The following ASAP2 variants were observed in gnomAD, a reference collection of about 807,000 sequenced individuals.
ASAP2 encodes the protein ArfGAP with SH3 domain, ankyrin repeat and PH domain 2.
Under a neutral mutation model 131.4 loss-of-function variants are expected in ASAP2, and 45 were observed. The observed-to-expected ratio is 0.34, with a 90% CI of 0.27 to 0.44. The LOEUF (loss-of-function observed/expected upper bound fraction) is 0.44. ASAP2 is among the 20% of genes least tolerant of loss of function. The pLI is 1.00. For missense variants in ASAP2, 1,011 were observed against 1,297.0 expected (o/e 0.78, Z 3.39); for synonymous variants, 510 against 503.0 (o/e 1.01, Z -0.19).
chr2:9,378,760 C>G (rs1220632709), intron 18 of ASAP2, among the ~76,000 whole-genome samples, 184 bp from the exon 19 acceptor site: 4 of 152,258 alleles, frequency 2.6e-5, no homozygotes, highest in Non-Finnish European at 5.9e-5. Flanking sequence ...TCTGCTAAGG[C>G]TTCCCCAGCC....
intron 24 of ASAP2, among the ~76,000 whole-genome samples, chr2:9,397,729 T>G (rs76919748): frequency 0.01 from 749 of 73,712 alleles, 19 homozygotes; most frequent in African/African-American, 0.06. Flanking sequence ...ATCAAAAGGA[T>G]ATATATATAT....
At chr2:9,294,792 G>A (rs534100989) in intron 2 of ASAP2, among the ~76,000 whole-genome samples, 1 of 152,278 alleles carries the variant, frequency 6.6e-6, no homozygotes, top group Non-Finnish European at 1.5e-5. Context: ...TCATTGCCCA[G>A]CACCGTGAAG....
intron 1 of ASAP2, among the ~76,000 whole-genome samples, chr2:9,254,433 A>G (rs1246726627): frequency 1.4e-5 from 2 of 143,036 alleles, no homozygotes; most frequent in Non-Finnish European, 3.0e-5. Flanking sequence ...GCTCATTGCA[A>G]CCTCTGTCTC....
intron 1 of ASAP2, among the ~76,000 whole-genome samples, chr2:9,247,837 T>C (rs1229130685): frequency 6.6e-6 from 1 of 152,252 alleles, no homozygotes; most frequent in East Asian, 1.9e-4. Flanking sequence ...AATCTGCTGC[T>C]AAACTCAGCT....
rs768219520 is a variant in ASAP2 at position 9,393,605 on chromosome 2, C to T, written c.2642C>T (p.Pro881Leu). 1 of 1,590,630 alleles carries T rather than the reference C, an allele frequency of 6.3e-7. No individual in the cohort carries two copies. The highest frequency in any genetic ancestry group is 8.5e-7 in the Non-Finnish European group (1 of 1,170,708). Residue 881 changes from proline (P) to leucine (L), a missense_variant, in exon 24 of 28, where the codon CCA (proline) becomes CTA (leucine). Transcript: ENST00000281419. ...CAGATCAGGCCCCCACCTCTGCCCCCACAGCCGCCCAGCCGCCTCCCGCAG... is the reference window on the plus strand; with the variant it reads ...CAGATCAGGCCCCCACCTCTGCCCCTACAGCCGCCCAGCCGCCTCCCGCAG... ...ISQIRPPPLP[P>L]QPPSRLPQKK...
intron 19 of ASAP2, 38 bp downstream of exon 19, chr2:9,379,097 A>G (rs1572591852): frequency 1.4e-6 from 2 of 1,403,082 alleles, no homozygotes; most frequent in African/African-American, 1.5e-5. Flanking sequence ...GCTCAGCTGC[A>G]CCCTGGCCTC....
chr2:9,377,539 G>A (rs1674502350), intron 18 of ASAP2, among the ~76,000 whole-genome samples: 1 of 152,188 alleles, frequency 6.6e-6, no homozygotes, highest in Non-Finnish European at 1.5e-5. Context: ...AGTCCCCGTG[G>A]TTTGGGGCAT....
chr2:9,337,247 T>C (rs989028980), intron 9 of ASAP2, among the ~76,000 whole-genome samples: 16 of 152,232 alleles, frequency 1.1e-4, no homozygotes, highest in Non-Finnish European at 1.6e-4. Flanking sequence ...GGGCGTGTTG[T>C]GTTTTCTGTG....
intron 6 of ASAP2, among the ~76,000 whole-genome samples, chr2:9,324,498 CCTT>C (rs1469304035): frequency 3.9e-5 from 6 of 152,202 alleles, no homozygotes; most frequent in Non-Finnish European, 8.8e-5. Flanking sequence ...CTGGTGAGGA[CCTT>C]CTTGCTGGTG....
chr2:9,244,138 A>G (rs1413891925), intron 1 of ASAP2, among the ~76,000 whole-genome samples: 1 of 152,084 alleles, frequency 6.6e-6, no homozygotes, highest in African/African-American at 2.4e-5. Flanking sequence ...CTTCTCTACC[A>G]AAAAAACCCC....
chr2:9,383,710 A>T (rs1160591030), intron 20 of ASAP2, among the ~76,000 whole-genome samples: 1 of 152,156 alleles, frequency 6.6e-6, no homozygotes, highest in East Asian at 1.9e-4. Flanking sequence ...TCACATGCAC[A>T]CGTATGTTTA....
chr2:9,310,413 G>A (rs989707263), intron 3 of ASAP2, among the ~76,000 whole-genome samples: 3 of 152,206 alleles, frequency 2.0e-5, no homozygotes, highest in African/African-American at 7.2e-5. Flanking sequence ...TAAGGGTTTT[G>A]GAGGTGAGCC....
chr2:9,255,717 C>G (rs2148166031), intron 1 of ASAP2, among the ~76,000 whole-genome samples: 1 of 152,304 alleles, frequency 6.6e-6, no homozygotes, highest in Non-Finnish European at 1.5e-5. Context: ...TCCAGAGGTT[C>G]TTCAGGGGTC....
intron 14 of ASAP2, among the ~76,000 whole-genome samples, chr2:9,358,155 A>G (rs1047469068): frequency 3.3e-5 from 5 of 152,220 alleles, no homozygotes; most frequent in African/African-American, 4.8e-5. Flanking sequence ...TCTGCCATAT[A>G]GTGAGATAAA....
Position 9,404,572 on chromosome 2 carries a change from C to CT in ASAP2, c.*1246dup, listed in dbSNP as rs1315769399. ...TAGGAATATTGGAAATTTTGGCACT[C>CT]TGAGAATAAATAGGCATATGATACC... is the stretch of plus-strand genomic sequence containing the variant. On this transcript the variant is annotated 3_prime_UTR_variant, in exon 28 of 28. Coordinates refer to ENST00000281419, the MANE Select transcript of ASAP2 (RefSeq NM_003887.3). The CT allele has an allele frequency of 3.3e-5, 5 of 152,412 alleles. No homozygotes were observed. Among genetic ancestry groups the CT allele is most frequent in the African/African-American group, 1.2e-4 (5 of 41,402 alleles). 9.4% of individuals were successfully genotyped at this position (152,412 alleles called of 1,614,324 possible).
intron 1 of ASAP2, among the ~76,000 whole-genome samples, chr2:9,270,785 A>ATTTTTTTTTCTTTTTTTTTTTTTT (rs1666301447): frequency 1.9e-5 from 1 of 52,924 alleles, no homozygotes; most frequent in African/African-American, 7.2e-5. Context: ...AATTGTTTTC[A>ATTTTTTTTTCTTTTTTTTTTTTTT]TTTTTTTTTT....
chr2:9,254,990 A>C lies in ASAP2; in HGVS notation c.127-24327A>C, dbSNP rs115055226. On this transcript the variant is annotated intron_variant, in intron 1 of 27. Transcript: ENST00000281419. ...GTGTGCTAAGTGTGTGTTTAACTTT[A>C]TCAAATGCTGCCATCCCATTTTCCA... Among the ~76,000 whole-genome samples the C allele has an allele frequency of 5.5e-3, 833 of 152,310 alleles. 8 individuals are homozygous for C. The highest frequency in any genetic ancestry group is 0.019 in the African/African-American group (801 of 41,562).
At chr2:9,309,630 A>G (rs1267559729) in intron 3 of ASAP2, among the ~76,000 whole-genome samples, 1 of 152,098 alleles carries the variant, frequency 6.6e-6, no homozygotes, top group Admixed American at 6.5e-5. Context: ...TGTGTGGTTT[A>G]TTGTCTGTCC....
At chr2:9,280,215 A>G (rs1349335939) in intron 2 of ASAP2, among the ~76,000 whole-genome samples, 1 of 152,200 alleles carries the variant, frequency 6.6e-6, no homozygotes, top group Admixed American at 6.5e-5. Flanking sequence ...CCCTTCATCT[A>G]TACTGTGTCC....
Sources: gnomAD v4.1 joint callset for allele counts (sites outside exome capture counted in the v4.1 genomes callset) on GRCh38, gnomAD v4.1.1 for gene constraint, MANE v1.5 for transcripts, NCBI Gene and HGNC (gene_info 2026-07-23, HGNC 2026-07-21) for gene names.